The following CEP112 variants were observed in gnomAD, a reference collection of about 807,000 sequenced individuals.
The protein encoded by CEP112 is centrosomal protein of 112 kDa.
In CEP112, 127 loss-of-function variants were observed where a neutral mutation model predicts 153.0. That is an observed-to-expected ratio of 0.83 (90% confidence interval 0.72 to 0.96). The LOEUF is 0.96. Among genes scored for constraint, CEP112 ranks in the 40% least tolerant of loss-of-function variants. The pLI is 0.00. For synonymous variants in CEP112, 358 were observed against 374.4 expected (o/e 0.96, Z 0.51); for missense variants, 1,089 against 1,101.2 (o/e 0.99, Z 0.16).
intron 24 of CEP112, among the ~76,000 whole-genome samples, chr17:65,667,399 G>C (rs979782596): frequency 6.6e-6 from 1 of 152,096 alleles, no homozygotes; most frequent in African/African-American, 2.4e-5. Context: ...GGCAATGGAG[G>C]GGGGAGTAAA....
chr17:65,875,017 C>T (rs1468125385), intron 20 of CEP112, among the ~76,000 whole-genome samples: 5 of 152,112 alleles, frequency 3.3e-5, no homozygotes, highest in South Asian at 2.1e-4. Context: ...GTTCCACTGA[C>T]AGTAGATATA....
intron 4 of CEP112, among the ~76,000 whole-genome samples, chr17:66,137,295 A>G (rs534092091): frequency 6.6e-6 from 1 of 152,282 alleles, no homozygotes; most frequent in Admixed American, 6.5e-5. Context: ...ACATTCCACA[A>G]GAGCAAAAAT....
chr17:66,141,283 T>C (rs2070686774), intron 4 of CEP112, among the ~76,000 whole-genome samples: 2 of 151,998 alleles, frequency 1.3e-5, no homozygotes, highest in Non-Finnish European at 2.9e-5. Context: ...TGTTTTTCAA[T>C]TGTAAGCACA....
At chr17:66,094,953 C>T (rs1388854081) in intron 8 of CEP112, among the ~76,000 whole-genome samples, 1 of 152,076 alleles carries the variant, frequency 6.6e-6, no homozygotes, top group Non-Finnish European at 1.5e-5. Flanking sequence ...ACTGAGATAT[C>T]ACGTCACACC....
chr17:65,713,260 A>G (rs951535853), intron 23 of CEP112, among the ~76,000 whole-genome samples: 4 of 152,202 alleles, frequency 2.6e-5, no homozygotes, highest in African/African-American at 9.7e-5. Context: ...AACCTGTGGA[A>G]ATCATTAAAA....
chr17:65,714,100 C>T (rs1477752161), intron 23 of CEP112, among the ~76,000 whole-genome samples: 1 of 152,136 alleles, frequency 6.6e-6, no homozygotes, highest in Non-Finnish European at 1.5e-5. Context: ...CTACCTTCCC[C>T]TCTTCAAAAA....
At chr17:66,164,861 A>AAAAT (rs1555817969) in intron 4 of CEP112, among the ~76,000 whole-genome samples, 3 of 144,674 alleles carry the variant, frequency 2.1e-5, no homozygotes, top group African/African-American at 5.1e-5. Context: ...TCTCAAAAAA[A>AAAAT]ATATATATAT....
At chr17:65,963,124 G>C (rs565754643) in intron 17 of CEP112, among the ~76,000 whole-genome samples, 74 of 152,254 alleles carry the variant, frequency 4.9e-4, no homozygotes, top group Non-Finnish European at 9.0e-4. Flanking sequence ...TGCTTCTAGA[G>C]TTCCTGTTGT....
intron 23 of CEP112, among the ~76,000 whole-genome samples, chr17:65,727,502 C>T (rs2050248507): frequency 6.6e-6 from 1 of 152,228 alleles, no homozygotes; most frequent in South Asian, 2.1e-4. Flanking sequence ...TTGAGAAGGG[C>T]TCCAAATAGG....
At chr17:65,779,889 T>C (rs770814256) in intron 21 of CEP112, among the ~76,000 whole-genome samples, 5 of 152,122 alleles carry the variant, frequency 3.3e-5, no homozygotes, top group Non-Finnish European at 7.4e-5. Context: ...TTTCCTATAC[T>C]GGACCTACTG....
chr17:65,661,443 A>G (rs1380418223), intron 24 of CEP112, among the ~76,000 whole-genome samples: 1 of 152,198 alleles, frequency 6.6e-6, no homozygotes, highest in African/African-American at 2.4e-5. Flanking sequence ...TGTTTACATA[A>G]GAAGAAATAG....
intron 19 of CEP112, among the ~76,000 whole-genome samples, chr17:65,915,396 C>T (rs1468422972): frequency 6.6e-6 from 1 of 152,118 alleles, no homozygotes; most frequent in Admixed American, 6.6e-5. Context: ...AACCTCTAAC[C>T]AGCCCACTGC....
chr17:65,855,090 C>T (rs1423330205), intron 20 of CEP112, among the ~76,000 whole-genome samples: 6 of 152,082 alleles, frequency 3.9e-5, no homozygotes, highest in Admixed American at 2.6e-4. Context: ...CAATAATAAA[C>T]ATAACAAAAG....
At chr17:66,029,052 C>A in intron 14 of CEP112, 71 bp downstream of exon 14, 1 of 1,143,822 alleles carries the variant, frequency 8.7e-7, no homozygotes, top group South Asian at 1.8e-5. Context: ...ATAATTTCTA[C>A]TTGGCTATCT....
chr17:66,052,401 G>A (rs957571860), intron 12 of CEP112, among the ~76,000 whole-genome samples: 1 of 152,152 alleles, frequency 6.6e-6, no homozygotes, highest in African/African-American at 2.4e-5. Context: ...ATGCAGAGTA[G>A]CCTTCCAGCA....
intron 21 of CEP112, among the ~76,000 whole-genome samples, chr17:65,848,161 TCTTTAA>T (rs2057795245): frequency 6.6e-6 from 1 of 152,360 alleles, no homozygotes; most frequent in Non-Finnish European, 1.5e-5. Context: ...AAATATATTC[TCTTTAA>T]CTCCTGCTGC....
intron 24 of CEP112, among the ~76,000 whole-genome samples, chr17:65,684,098 A>G (rs1370814399): frequency 6.6e-6 from 1 of 152,088 alleles, no homozygotes; most frequent in Non-Finnish European, 1.5e-5. Flanking sequence ...TGGGGTCTAC[A>G]TTTTATACAC....
intron 17 of CEP112, among the ~76,000 whole-genome samples, chr17:65,970,844 A>G (rs375254700): frequency 2.2e-5 from 1 of 44,660 alleles, no homozygotes; most frequent in Non-Finnish European, 4.8e-5. Flanking sequence ...CATTACATGC[A>G]TATGTCATGT....
At chr17:65,825,589 TAAA>T (rs1283209770) in intron 21 of CEP112, among the ~76,000 whole-genome samples, 1 of 151,188 alleles carries the variant, frequency 6.6e-6, no homozygotes, top group Non-Finnish European at 1.5e-5. Context: ...TTTTACAAAA[TAAA>T]AAAAAATTCT....
Sources: allele counts gnomAD v4.1 joint callset (sites outside exome capture counted in the v4.1 genomes callset), GRCh38; gene constraint gnomAD v4.1.1; transcripts MANE v1.5; gene names NCBI Gene and HGNC (gene_info 2026-07-23, HGNC 2026-07-21).